The following BTBD9 variants were observed in gnomAD, a reference collection of about 807,000 sequenced individuals.
BTBD9 encodes the protein BTB domain containing 9.
In BTBD9, 49 loss-of-function variants were observed where a neutral mutation model predicts 64.3. That is an observed-to-expected ratio of 0.76 (90% CI 0.61 to 0.97). The LOEUF (loss-of-function observed/expected upper bound fraction) is 0.97. Ranked by LOEUF, BTBD9 falls within the 50% of genes least tolerant of loss-of-function variation. BTBD9 has a pLI of 0.00. For synonymous variants in BTBD9, 260 were observed against 274.7 expected (o/e 0.95, Z 0.53); for missense variants, 598 against 762.1 (o/e 0.78, Z 2.53).
intron 7 of BTBD9, among the ~76,000 whole-genome samples, chr6:38,328,593 GT>G (rs1307344480): frequency 4.0e-5 from 6 of 151,260 alleles, no homozygotes; most frequent in Non-Finnish European, 7.4e-5. Flanking sequence ...GTGTGTGTGT[GT>G]GTGTGTGTGT....
intron 6 of BTBD9, chr6:38,565,920 C>T (rs1328296635): frequency 3.3e-5 from 5 of 152,154 alleles, no homozygotes; most frequent in African/African-American, 1.2e-4. Flanking sequence ...ACATTTAGAA[C>T]ACTTTGCTAT....
intron 9 of BTBD9, among the ~76,000 whole-genome samples, chr6:38,238,711 G>C (rs1201836727): frequency 1.3e-5 from 2 of 152,070 alleles, no homozygotes; most frequent in Non-Finnish European, 2.9e-5. Context: ...CTGACCTGTT[G>C]ATCCGCCCAC....
rs986816371 is a variant in BTBD9, at chr6:38,400,475, C to T, written c.1155-55382G>A. ...CCATGGCCTCTTTTCAGTCTTTACC[C>T]CATTTGACAGCCTTACAGGTATCTA... On this transcript the variant is annotated intron_variant, in intron 6 of 10. Transcript: ENST00000481247. Among the ~76,000 whole-genome samples the T allele has an allele frequency of 2.6e-5, 4 of 152,296 alleles. No individual in the cohort carries two copies. In the East Asian group the frequency reaches 7.7e-4, roughly 29 times the overall value.
intron 10 of BTBD9, among the ~76,000 whole-genome samples, chr6:38,191,454 C>T (rs1183124127): frequency 2.0e-5 from 3 of 152,204 alleles, no homozygotes; most frequent in Admixed American, 6.5e-5. Context: ...TCTAGGGTCT[C>T]TCTCTCAAGC....
intron 6 of BTBD9, among the ~76,000 whole-genome samples, chr6:38,494,573 CATG>C (rs796155232): frequency 5.3e-5 from 8 of 152,300 alleles, no homozygotes; most frequent in African/African-American, 1.9e-4. Flanking sequence ...TGATATACAT[CATG>C]ATGAGTACAT....
At chr6:38,544,133 G>A (rs1335613700) in intron 6 of BTBD9, among the ~76,000 whole-genome samples, 1 of 152,116 alleles carries the variant, frequency 6.6e-6, no homozygotes, top group Non-Finnish European at 1.5e-5. Flanking sequence ...AATAAAAATT[G>A]TAAAACTTAA....
At chr6:38,484,895 G>C (rs576877754) in intron 6 of BTBD9, among the ~76,000 whole-genome samples, 2 of 152,172 alleles carry the variant, frequency 1.3e-5, no homozygotes, top group Non-Finnish European at 2.9e-5. Context: ...GGGTGGCTGT[G>C]ACAATTTCTT....
chr6:38,416,906 T>C (rs1175581686), intron 6 of BTBD9, among the ~76,000 whole-genome samples: 1 of 152,136 alleles, frequency 6.6e-6, no homozygotes, highest in East Asian at 1.9e-4. Flanking sequence ...GTCCCAGCCT[T>C]TGCCCAAGGA....
chr6:38,469,626 A>T (rs1770550729), intron 6 of BTBD9, among the ~76,000 whole-genome samples: 1 of 151,926 alleles, frequency 6.6e-6, no homozygotes, highest in Admixed American at 6.6e-5. Context: ...GCAGGAACCC[A>T]CTCTTAAAAT....
chr6:38,534,998 T>C (rs1773960085), intron 6 of BTBD9, among the ~76,000 whole-genome samples: 1 of 152,080 alleles, frequency 6.6e-6, no homozygotes, highest in African/African-American at 2.4e-5. Flanking sequence ...TTATTCAGTG[T>C]AGTAGTGGAA....
At chr6:38,274,927 T>C (rs1227973404) in intron 8 of BTBD9, among the ~76,000 whole-genome samples, 1 of 152,122 alleles carries the variant, frequency 6.6e-6, no homozygotes, top group Non-Finnish European at 1.5e-5. Context: ...TCTTTTTCTA[T>C]TGATTTATAG....
At chr6:38,408,508 T>G (rs893646762) in intron 6 of BTBD9, among the ~76,000 whole-genome samples, 1 of 152,210 alleles carries the variant, frequency 6.6e-6, no homozygotes, top group Non-Finnish European at 1.5e-5. Context: ...CAATGTTTGT[T>G]TTTCCTTTGC....
chr6:38,378,593 G>A (rs572863382), intron 6 of BTBD9, among the ~76,000 whole-genome samples: 1 of 150,932 alleles, frequency 6.6e-6, no homozygotes, highest in South Asian at 2.1e-4. Flanking sequence ...GGCAGTAAAG[G>A]CCAGGTGCAG....
At chr6:38,236,577 G>T (rs1346998042) in intron 9 of BTBD9, among the ~76,000 whole-genome samples, 1 of 152,144 alleles carries the variant, frequency 6.6e-6, no homozygotes, top group Non-Finnish European at 1.5e-5. Flanking sequence ...AAGTAAAAGG[G>T]TCACAAGAAC....
chr6:38,449,068 C>G (rs1346432301), intron 6 of BTBD9, among the ~76,000 whole-genome samples: 1 of 152,060 alleles, frequency 6.6e-6, no homozygotes, highest in East Asian at 1.9e-4. Context: ...AGAAAGAACT[C>G]AAAACCAAAA....
intron 2 of BTBD9, among the ~76,000 whole-genome samples, chr6:38,596,299 C>G (rs1462816810): frequency 6.6e-6 from 1 of 152,174 alleles, no homozygotes; most frequent in Non-Finnish European, 1.5e-5. Flanking sequence ...ACAAAGACAT[C>G]AAGAACAAGG....
At chr6:38,289,451 C>T (rs1427919448) in intron 7 of BTBD9, among the ~76,000 whole-genome samples, 1 of 152,082 alleles carries the variant, frequency 6.6e-6, no homozygotes. Flanking sequence ...CTGGTAGGTA[C>T]ATAGGTATTT....
chr6:38,276,375 C>T (rs1485640251), intron 8 of BTBD9, among the ~76,000 whole-genome samples: 1 of 151,618 alleles, frequency 6.6e-6, no homozygotes, highest in African/African-American at 2.4e-5. Flanking sequence ...GGAGGGATAG[C>T]ATTAGGAGAT....
intron 6 of BTBD9, among the ~76,000 whole-genome samples, chr6:38,378,110 C>G (rs1161615429): frequency 6.6e-6 from 1 of 152,180 alleles, no homozygotes; most frequent in Non-Finnish European, 1.5e-5. Context: ...GAGGACGACT[C>G]TCGGGGAACC....
Sources: allele counts gnomAD v4.1 joint callset (sites outside exome capture counted in the v4.1 genomes callset), GRCh38; gene constraint gnomAD v4.1.1; transcripts MANE v1.5; gene names NCBI Gene and HGNC (gene_info 2026-07-23, HGNC 2026-07-21).